Variants in IGSF8 observed in about 807,000 individuals in gnomAD.
IGSF8 encodes immunoglobulin superfamily member 8.
Under a neutral mutation model 55.5 loss-of-function variants are expected in IGSF8, and 46 were observed. The observed-to-expected ratio is 0.83, with a 90% CI of 0.65 to 1.06. The LOEUF is 1.06. Among genes scored for constraint, IGSF8 ranks in the 50% least tolerant of loss-of-function variants. The pLI, the probability that IGSF8 is intolerant of heterozygous loss-of-function variation, is 0.00. For synonymous variants in IGSF8, 314 were observed against 356.1 expected (o/e 0.88, Z 1.33); for missense variants, 731 against 832.3 (o/e 0.88, Z 1.50).
chr1:160,092,917 C>T lies in IGSF8; in HGVS notation c.1312+7G>A. 2 of 1,589,006 alleles carry T rather than the reference C, an allele frequency of 1.3e-6. No homozygotes were observed. Among genetic ancestry groups the T allele is most frequent in the South Asian group, 2.2e-5 (2 of 89,442 alleles). ...CGAACCCCGTCCAGGGCCCAGCCCC[C>T]TCTCACCTTCCTCCCGCACATGTAC... On this transcript the variant is annotated splice_region_variant and intron_variant, in intron 4 of 6. Coordinates refer to ENST00000314485, the MANE Select transcript of IGSF8 (RefSeq NM_052868.6).
rs748310549 is a variant in IGSF8 at position 160,092,331 on chromosome 1, C to G, written c.1677G>C (p.Gln559His). 1.9e-6 allele frequency: 3 copies of G among 1,614,060 alleles called. No individual in the cohort carries two copies. The highest frequency in any genetic ancestry group is 2.5e-6 in the Non-Finnish European group (3 of 1,179,932). The change falls in exon 5 of 7, where the codon CAG becomes CAC. Residue 559 changes from glutamine (Q) to histidine (H), a missense_variant. Physicochemically the swap from Gln to His is conservative, Grantham distance 24. Transcript: ENST00000314485. ...CAGGCCCTGAGCGGGCACTGCCCGC[C>G]TGGTACCAGCTGTAGTCGGCATGCT... Reference protein sequence around the residue: ...WVQHADYSWYQAGSARSGPVT... With the variant: ...WVQHADYSWYHAGSARSGPVT...
chr1:160,096,309 G>C (rs375060814), intron 1 of IGSF8, among the ~76,000 whole-genome samples: 1 of 152,136 alleles, frequency 6.6e-6, no homozygotes, highest in Non-Finnish European at 1.5e-5. Context: ...GAAAGGTAAG[G>C]CAGGAAAAGT....
Position 160,092,350 on chromosome 1 carries a change from G to A in IGSF8, c.1658C>T (p.Ala553Val). The A allele has an allele frequency of 6.2e-7, 1 of 1,613,922 alleles. No homozygotes were observed. Among genetic ancestry groups the A allele is most frequent in the Non-Finnish European group, 8.5e-7 (1 of 1,179,824 alleles). Residue 553 changes from alanine (A) to valine (V), a missense_variant, in exon 5 of 7, where the codon GCC (alanine) becomes GTC (valine). Physicochemically the swap from Ala to Val is moderately conservative, Grantham distance 64. Transcript: ENST00000314485. ...GCCCGCCTGGTACCAGCTGTAGTCGGCATGCTGCACCCAGGCGCTGGGGGC... is the reference window on the plus strand; with the variant it reads ...GCCCGCCTGGTACCAGCTGTAGTCGACATGCTGCACCCAGGCGCTGGGGGC... ...HCAPSAWVQH[A>V]DYSWYQAGSA...
At chr1:160,092,144 T>C (rs12408242) in intron 5 of IGSF8, 138 bp downstream of exon 5, 217,326 of 1,039,610 alleles carry the variant, frequency 0.21, 24,468 homozygotes, top group Admixed American at 0.26. Context: ...GGGCTGGAAG[T>C]TGGATTTTTT....
rs776281210 is a variant in IGSF8, at chr1:160,093,835, G to A, written c.779C>T (p.Ala260Val). Residue 260 changes from alanine to valine, a missense_variant, in exon 3 of 7, where the codon GCC becomes GTC. Coordinates refer to ENST00000314485, the MANE Select transcript of IGSF8 (RefSeq NM_052868.6). ...GTAGGTGCCTGCGTCCCCTGCCTGG[G>A]CACCCCCTACTACCATGCGGTACCG... ...TDRYRMVVGG[A>V]QAGDAGTYHC... 4 of 1,614,136 alleles carry A rather than the reference G, an allele frequency of 2.5e-6. No individual in the cohort carries two copies. Among genetic ancestry groups the A allele is most frequent in the Non-Finnish European group, 3.4e-6 (4 of 1,179,992 alleles).
Position 160,094,854 on chromosome 1 carries a change from C to A in IGSF8, c.442+15G>T, listed in dbSNP as rs548673793. On this transcript the variant is annotated intron_variant, in intron 2 of 6. Coordinates refer to ENST00000314485, the MANE Select transcript of IGSF8 (RefSeq NM_052868.6). This position sits in a 1 kb window ranked among gnomAD's most constrained non-coding sequence, Gnocchi z 4.0. ...GAGAGGGTGTGTGGCTCCACCCCGT[C>A]CCAGGGCCCAGTACCTCTCAGCTCC... The A allele has an allele frequency of 2.6e-4, 415 of 1,601,018 alleles. No homozygotes were observed. Among genetic ancestry groups the A allele is most frequent in the Non-Finnish European group, 3.4e-4 (399 of 1,171,006 alleles).
In IGSF8 at chr1:160,098,525, G is replaced by A. The variant is rs1650613161; in HGVS notation, c.-53C>T. The stretch of plus-strand genomic sequence containing the variant: ...CGGGGGATGGCGCGGGTTCTGGGGG[G>A]CCGGAAGGGTGGGGGGCGCATGCCC... On this transcript the variant is annotated 5_prime_UTR_variant, in exon 1 of 7. Transcript: ENST00000314485. The A allele has an allele frequency of 2.9e-6, 4 of 1,378,700 alleles. No homozygotes were observed. Among genetic ancestry groups the A allele is most frequent in the Non-Finnish European group, 3.9e-6 (4 of 1,019,380 alleles). 85.4% of individuals were successfully genotyped at this position (1,378,700 alleles called of 1,614,324 possible). A position where few individuals can be genotyped will look rare whatever the true frequency, so the allele number is the denominator to read the frequency against.
intron 1 of IGSF8, among the ~76,000 whole-genome samples, chr1:160,097,153 G>T (rs1239428770): frequency 6.6e-6 from 1 of 152,220 alleles, no homozygotes; most frequent in African/African-American, 2.4e-5. Flanking sequence ...TTCCTCATTT[G>T]TGAAATGAAT....
chr1:160,097,294 A>G (rs1650498330), intron 1 of IGSF8, among the ~76,000 whole-genome samples: 4 of 152,096 alleles, frequency 2.6e-5, no homozygotes, highest in African/African-American at 9.7e-5. Context: ...ACCAAGTGCT[A>G]GGCAACCCAG....
chr1:160,096,080 G>C (rs1003721604), intron 1 of IGSF8, among the ~76,000 whole-genome samples: 1 of 152,116 alleles, frequency 6.6e-6, no homozygotes, highest in Admixed American at 6.5e-5. Flanking sequence ...ATCCCCAGCT[G>C]CCCCTTCTCA....
rs771962810 is a variant in IGSF8 at position 160,093,757 on chromosome 1, A to G, written c.857T>C (p.Ile286Thr). ...IQDPDGSWAQ[I>T]AEKRAVLAHV... ...GGCCAGGACGGCCCTTTTCTCTGCA[A>G]TCTGGGCCCAGCTGCCATCAGGATC... The change falls in exon 3 of 7, where the codon ATT (isoleucine) becomes ACT (threonine). Residue 286 changes from isoleucine to threonine, a missense_variant. By Grantham distance (89) the Ile-to-Thr change is moderately conservative. Coordinates refer to ENST00000314485, the MANE Select transcript of IGSF8 (RefSeq NM_052868.6). 1.9e-6 allele frequency: 3 copies of G among 1,613,406 alleles called. No individual in the cohort carries two copies. The Admixed American group carries it at 5.0e-5, about 27-fold the overall frequency.
rs971494922 is a variant in IGSF8, at chr1:160,094,349, G to A, written c.443-178C>T. On this transcript the variant is annotated intron_variant, in intron 2 of 6. Transcript: ENST00000314485. This position sits in a 1 kb window ranked among gnomAD's most constrained non-coding sequence, Gnocchi z 4.0. The stretch of plus-strand genomic sequence containing the variant: ...GGGCAGTACTGGGCACAGCACAGGC[G>A]CTCAATAAATACTTGTAGAATTTCA... Among the ~76,000 whole-genome samples, 9 of 152,316 alleles carry A rather than the reference G, an allele frequency of 5.9e-5. No individual in the cohort carries two copies. Among genetic ancestry groups the A allele is most frequent in the African/African-American group, 1.9e-4 (8 of 41,568 alleles).
At chr1:160,093,630 T>A in intron 3 of IGSF8, 80 bp downstream of exon 3, 2 of 1,149,892 alleles carry the variant, frequency 1.7e-6, no homozygotes, top group Non-Finnish European at 2.5e-6. Context: ...GATGGCTATC[T>A]GGTACCCCCT....
intron 4 of IGSF8, 71 bp downstream of exon 4, chr1:160,092,853 G>A: frequency 6.6e-7 from 1 of 1,518,786 alleles, no homozygotes; most frequent in Non-Finnish European, 8.9e-7. Context: ...CGGAGAGGGA[G>A]GGGTCATGGA....
intron 4 of IGSF8, 105 bp downstream of exon 4, chr1:160,092,819 A>G: frequency 2.0e-6 from 3 of 1,488,562 alleles, no homozygotes; most frequent in South Asian, 1.3e-5. Flanking sequence ...GAGGAGCGTG[A>G]GGCTGTGGCC....
intron 1 of IGSF8, chr1:160,098,069 T>A (rs556651763): frequency 2.6e-6 from 2 of 767,824 alleles, no homozygotes; most frequent in Non-Finnish European, 3.2e-6. Context: ...TGGAGCTGAG[T>A]GTGGGGCAGA....
intron 6 of IGSF8, 41 bp from the exon 7 acceptor site, chr1:160,091,649 T>C: frequency 1.6e-6 from 1 of 618,426 alleles, no homozygotes; most frequent in South Asian, 1.9e-5. Flanking sequence ...CAGAGAGCCC[T>C]GAGTGGGGCT....
At chr1:160,098,657 C>T, upstream of IGSF8, 1 of 552,242 alleles carries the variant, frequency 1.8e-6, no homozygotes, top group Non-Finnish European at 3.2e-6. Context: ...TCCCTCCAGC[C>T]CTCGGCAGTT....
intron 1 of IGSF8, among the ~76,000 whole-genome samples, chr1:160,096,846 C>CA (rs1176003184): frequency 1.3e-5 from 2 of 152,226 alleles, no homozygotes; most frequent in Non-Finnish European, 1.5e-5. Context: ...GTTTCATAAT[C>CA]AGAGTGACGG....
Sources: gnomAD v4.1 joint callset for allele counts (sites outside exome capture counted in the v4.1 genomes callset) on GRCh38, gnomAD v4.1.1 for gene constraint, Gnocchi (gnomAD v3.1) non-coding constraint, MANE v1.5 for transcripts, NCBI Gene and HGNC (gene_info 2026-07-23, HGNC 2026-07-21) for gene names.